The following ZNF626 variants were observed in gnomAD, a reference collection of about 807,000 sequenced individuals.
ZNF626 encodes zinc finger protein 626, also known as CTC-513N18.7.
A neutral mutation model predicts 11.7 loss-of-function variants in ZNF626; 4 were observed. That is an observed-to-expected ratio of 0.34 (90% confidence interval 0.17 to 0.78). ZNF626 has a LOEUF of 0.78. Among genes scored for constraint, ZNF626 ranks in the 30% least tolerant of loss-of-function variants. The probability of loss-of-function intolerance (pLI) is 0.57; values close to 1 mark genes in which losing one functional copy is unlikely to be tolerated. For missense variants in ZNF626, 588 were observed against 587.1 expected (o/e 1.00, Z -0.01); for synonymous variants, 179 against 198.6 (o/e 0.90, Z 0.83).
chr19:20,651,938 ACTTACACATATTC>A (rs1970150502), intron 1 of ZNF626, among the ~76,000 whole-genome samples: 1 of 151,924 alleles, frequency 6.6e-6, no homozygotes, highest in African/African-American at 2.4e-5. Flanking sequence ...TTTTTTTTAC[ACTTACACATATTC>A]TGTCATCAGA....
intron 3 of ZNF626, among the ~76,000 whole-genome samples, chr19:20,639,351 A>G (rs1392505458): frequency 2.0e-5 from 3 of 152,214 alleles, no homozygotes; most frequent in African/African-American, 7.2e-5. Flanking sequence ...TCACAGATGC[A>G]TACAAAACTT....
chr19:20,626,555 T>C (rs879953776), intron 3 of ZNF626, among the ~76,000 whole-genome samples: 1 of 151,944 alleles, frequency 6.6e-6, no homozygotes, highest in Non-Finnish European at 1.5e-5. Flanking sequence ...CTGTATCTAC[T>C]AAAAATACAA....
chr19:20,633,375 C>G (rs540918321), intron 3 of ZNF626, among the ~76,000 whole-genome samples: 2 of 128,278 alleles, frequency 1.6e-5, no homozygotes, highest in Non-Finnish European at 3.2e-5. Flanking sequence ...CTGTGCCCTG[C>G]CCCCAGAGGT....
rs1328370976 is a variant in ZNF626 at position 20,622,593 on chromosome 19, CTT to C, written c.*1695_*1696del. The C allele has an allele frequency of 1.5e-4, 20 of 136,208 alleles. No homozygotes were observed. The highest frequency in any genetic ancestry group is 5.2e-4 in the African/African-American group (20 of 38,174). 8.4% of individuals were successfully genotyped at this position (136,208 alleles called of 1,614,324 possible). ...TTTGAAAGCTGTATTACATCATTCACTTTTCAAAAAAATTGTTTTCAAGGAAA... is the reference window on the plus strand; with the variant it reads ...TTTGAAAGCTGTATTACATCATTCACTTCAAAAAAATTGTTTTCAAGGAAA... On this transcript the variant is annotated 3_prime_UTR_variant, in exon 4 of 4. Transcript: ENST00000601440.
intron 3 of ZNF626, among the ~76,000 whole-genome samples, chr19:20,629,833 G>C (rs1223845713): frequency 6.6e-6 from 1 of 152,142 alleles, no homozygotes; most frequent in East Asian, 1.9e-4. Flanking sequence ...GGAGTGGTGA[G>C]AGAGGGCATC....
chr19:20,634,584 G>A (rs1969946474), intron 3 of ZNF626, among the ~76,000 whole-genome samples: 1 of 151,282 alleles, frequency 6.6e-6, no homozygotes. Context: ...TGGGTGCGGT[G>A]GCTCAGGCCT....
At chr19:20,650,783 A>G (rs782573227) in intron 1 of ZNF626, among the ~76,000 whole-genome samples, 2 of 152,194 alleles carry the variant, frequency 1.3e-5, no homozygotes, top group Non-Finnish European at 2.9e-5. Context: ...TTTTCCAGCC[A>G]CTGCCCTGTC....
chr19:20,636,940 GA>G (rs1319274426), intron 3 of ZNF626, among the ~76,000 whole-genome samples: 49 of 141,636 alleles, frequency 3.5e-4, no homozygotes, highest in Admixed American at 1.9e-3. Context: ...AGAATTTCTT[GA>G]ATCAAGGAGG....
intron 1 of ZNF626, among the ~76,000 whole-genome samples, chr19:20,659,252 T>G (rs923482976): frequency 1.3e-5 from 2 of 152,200 alleles, no homozygotes; most frequent in Non-Finnish European, 2.9e-5. Context: ...ATAATTTTTT[T>G]TTTTTGAGAT....
Position 20,623,835 on chromosome 19 carries a change from GCTTTGCC to G in ZNF626, c.*448_*454del. 1 of 291,552 alleles carries G rather than the reference GCTTTGCC, an allele frequency of 3.4e-6. No homozygotes were observed. Among genetic ancestry groups the G allele is most frequent in the Non-Finnish European group, 6.7e-6 (1 of 150,072 alleles). 18.1% of individuals were successfully genotyped at this position (291,552 alleles called of 1,614,324 possible). ...AAAAAAAAGACAGAACTTGTTATAT[GCTTTGCC>G]ACATTCTTCACACTTGTAGGGTTTC... On this transcript the variant is annotated 3_prime_UTR_variant, in exon 4 of 4. Transcript: ENST00000601440.
intron 3 of ZNF626, among the ~76,000 whole-genome samples, chr19:20,641,240 GTC>G: frequency 6.6e-6 from 1 of 151,086 alleles, no homozygotes; most frequent in Non-Finnish European, 1.5e-5. Flanking sequence ...CAACCCAGAT[GTC>G]TCTTGATTTA....
Position 20,661,564 on chromosome 19 carries a change from C to T in ZNF626, c.-118G>A, listed in dbSNP as rs1322363360. 15 of 1,230,120 alleles carry T rather than the reference C, an allele frequency of 1.2e-5. No individual in the cohort carries two copies. Among genetic ancestry groups the T allele is most frequent in the Non-Finnish European group, 1.6e-5 (14 of 864,794 alleles). 76.2% of individuals were successfully genotyped at this position (1,230,120 alleles called of 1,614,324 possible). On this transcript the variant is annotated 5_prime_UTR_variant, in exon 1 of 4. Coordinates refer to ENST00000601440, the MANE Select transcript of ZNF626 (RefSeq NM_001076675.3). ...ACCAGACCTGGAGCTCTGACTGCAG[C>T]GAGAGACAAAGGCCGCACCAAACCC...
intron 1 of ZNF626, among the ~76,000 whole-genome samples, chr19:20,650,838 A>T (rs1555772524): frequency 6.6e-6 from 1 of 152,168 alleles, no homozygotes; most frequent in Non-Finnish European, 1.5e-5. Flanking sequence ...AAATCCCTTA[A>T]GGTTTTCAAG....
At chr19:20,646,032 C>T (rs1555771870) in intron 2 of ZNF626, among the ~76,000 whole-genome samples, 2 of 151,930 alleles carry the variant, frequency 1.3e-5, no homozygotes, top group African/African-American at 4.8e-5. Flanking sequence ...ATATTTTATG[C>T]CACTAAATTT....
intron 3 of ZNF626, among the ~76,000 whole-genome samples, chr19:20,641,615 G>A (rs1396700062): frequency 6.6e-6 from 1 of 152,008 alleles, no homozygotes; most frequent in Non-Finnish European, 1.5e-5. Context: ...TTTGAGACAG[G>A]GTCTCACTCT....
intron 3 of ZNF626, among the ~76,000 whole-genome samples, chr19:20,637,262 G>A (rs890757135): frequency 6.6e-6 from 1 of 152,070 alleles, no homozygotes. Context: ...GCCAAGGGGG[G>A]AATCACAAGG....
chr19:20,646,924 C>T (rs912980465), intron 1 of ZNF626, among the ~76,000 whole-genome samples: 13 of 152,106 alleles, frequency 8.5e-5, no homozygotes, highest in Non-Finnish European at 1.6e-4. Context: ...CTCAGCTCAC[C>T]GCCACCTCCG....
intron 3 of ZNF626, among the ~76,000 whole-genome samples, chr19:20,637,312 C>A (rs7252292): frequency 6.6e-6 from 1 of 151,442 alleles, no homozygotes; most frequent in Non-Finnish European, 1.5e-5. Flanking sequence ...TGGTGAAACC[C>A]TGTCTCTACT....
chr19:20,658,464 G>A (rs1225232417), intron 1 of ZNF626, among the ~76,000 whole-genome samples: 1 of 152,132 alleles, frequency 6.6e-6, no homozygotes, highest in Non-Finnish European at 1.5e-5. Flanking sequence ...GGAGTGGGTG[G>A]GAATCCTGTG....
Sources: gnomAD v4.1 joint callset for allele counts (sites outside exome capture counted in the v4.1 genomes callset) on GRCh38, gnomAD v4.1.1 for gene constraint, MANE v1.5 for transcripts, NCBI Gene and HGNC (gene_info 2026-07-23, HGNC 2026-07-21) for gene names.